CIP2A: variants seen among roughly 807,000 people sequenced by gnomAD.
CIP2A encodes the protein cellular inhibitor of PP2A, also known as protein CIP2A.
In CIP2A, 103 loss-of-function variants were observed where a neutral mutation model predicts 110.9. That is an observed-to-expected ratio of 0.93 (90% confidence interval 0.79 to 1.09). The LOEUF (loss-of-function observed/expected upper bound fraction) is 1.09. Among genes scored for constraint, CIP2A ranks in the 50% least tolerant of loss-of-function variants. The pLI is 0.00. For synonymous variants in CIP2A, 381 were observed against 361.6 expected (o/e 1.05, Z -0.61); for missense variants, 1,088 against 1,038.4 (o/e 1.05, Z -0.66).
intron 8 of CIP2A, 148 bp from the exon 9 acceptor site, chr3:108,569,755 A>G: frequency 4.7e-6 from 3 of 638,714 alleles, no homozygotes; most frequent in Non-Finnish European, 8.2e-6. Flanking sequence ...TTATTTTTCA[A>G]ATGTGTGAAT....
At chr3:108,564,595 A>C (rs1273806674) in intron 12 of CIP2A, among the ~76,000 whole-genome samples, 1 of 151,756 alleles carries the variant, frequency 6.6e-6, no homozygotes, top group Non-Finnish European at 1.5e-5. Flanking sequence ...TTTTCCAAAA[A>C]ACCAGGAGAT....
chr3:108,551,556 A>G (rs1379105829), intron 20 of CIP2A, among the ~76,000 whole-genome samples: 1 of 152,148 alleles, frequency 6.6e-6, no homozygotes, highest in Admixed American at 6.6e-5. Flanking sequence ...AGTTAATGCC[A>G]GCAGCTGAAA....
chr3:108,569,031 A>G (rs1340174953), intron 9 of CIP2A, among the ~76,000 whole-genome samples: 1 of 151,068 alleles, frequency 6.6e-6, no homozygotes, highest in Non-Finnish European at 1.5e-5. Context: ...ATATGCCTCT[A>G]TTGTCCATTC....
At chr3:108,570,410 G>C (rs1938348781) in intron 8 of CIP2A, among the ~76,000 whole-genome samples, 1 of 152,068 alleles carries the variant, frequency 6.6e-6, no homozygotes, top group Non-Finnish European at 1.5e-5. Context: ...GTACAGTCAT[G>C]TGTCACTTAG....
chr3:108,576,574 T>C (rs866111785), intron 7 of CIP2A, among the ~76,000 whole-genome samples: 1 of 152,322 alleles, frequency 6.6e-6, no homozygotes, highest in Non-Finnish European at 1.5e-5. Context: ...GTGATTCATG[T>C]GGCAATAAAT....
At position 108,551,152 on chromosome 3, in the gene CIP2A, T is replaced by C. The variant is rs1423355455; in HGVS notation, c.2715A>G (p.Ile905Met). 2.0e-6 allele frequency: 3 copies of C among 1,514,990 alleles called. No individual in the cohort carries two copies. Among genetic ancestry groups the C allele is most frequent in the African/African-American group, 1.4e-5 (1 of 71,258 alleles). The allele number at this position is 1,514,990 out of a possible 1,614,324, so 93.8% of individuals were successfully genotyped here. ...AAATTCCAAAATGCCATAATGTCTATATACTGAGATTCACAGTTTCTGGAT... is the reference window on the plus strand; with the variant it reads ...AAATTCCAAAATGCCATAATGTCTACATACTGAGATTCACAGTTTCTGGAT... ...KINPETVNLS[I>M] Residue 905 changes from isoleucine (I) to methionine (M), a missense_variant, in exon 21 of 21, where the codon ATA (isoleucine) becomes ATG (methionine). Physicochemically the swap from Ile to Met is conservative, Grantham distance 10. Transcript: ENST00000295746.
intron 9 of CIP2A, among the ~76,000 whole-genome samples, chr3:108,569,167 A>AATATATATATATATAT (rs1559695577): frequency 8.9e-4 from 1 of 1,128 alleles, no homozygotes; most frequent in South Asian, 0.045. Flanking sequence ...TGAAATGAGC[A>AATATATATATATATAT]CTATATATAT....
Position 108,551,082 on chromosome 3 carries a change from C to A in CIP2A, c.*67G>T, listed in dbSNP as rs571008933. On this transcript the variant is annotated 3_prime_UTR_variant, in exon 21 of 21. Transcript: ENST00000295746. ...AGTCACAAATTAACTCCCCTACCCA[C>A]CCCCCCTCCAATAGATAAATACATC... is the stretch of plus-strand genomic sequence containing the variant. 1.5e-4 allele frequency: 73 copies of A among 479,162 alleles called. 3 individuals carry two copies. Among genetic ancestry groups the A allele is most frequent in the African/African-American group, 1.4e-3 (70 of 49,154 alleles). The allele number at this position is 479,162 out of a possible 1,614,324, so 29.7% of individuals were successfully genotyped here.
chr3:108,582,925 A>C (rs1576319471), intron 3 of CIP2A, 52 bp downstream of exon 3: 1 of 1,084,754 alleles, frequency 9.2e-7, no homozygotes, highest in East Asian at 2.5e-5. Flanking sequence ...AGAAACTATC[A>C]ATTTTGATCT....
chr3:108,562,615 A>G (rs909593110), intron 13 of CIP2A, among the ~76,000 whole-genome samples: 3 of 152,124 alleles, frequency 2.0e-5, no homozygotes, highest in African/African-American at 7.2e-5. Context: ...GAAAGTAACG[A>G]GTATAGTAGA....
chr3:108,558,653 A>G (rs920326178), intron 16 of CIP2A, among the ~76,000 whole-genome samples: 1 of 152,144 alleles, frequency 6.6e-6, no homozygotes, highest in African/African-American at 2.4e-5. Flanking sequence ...GGATCGTCAA[A>G]CACGTGTGGG....
intron 12 of CIP2A, among the ~76,000 whole-genome samples, chr3:108,564,039 T>C (rs969924970): frequency 6.6e-6 from 1 of 152,012 alleles, no homozygotes; most frequent in Admixed American, 6.6e-5. Flanking sequence ...CCTTTAAAAA[T>C]ACATTGAGAT....
At chr3:108,557,171 G>T in intron 17 of CIP2A, 47 bp downstream of exon 17, 1 of 1,225,310 alleles carries the variant, frequency 8.2e-7, no homozygotes, top group Non-Finnish European at 1.1e-6. Context: ...AATGCTGCAT[G>T]TTCATTCTAG....
At chr3:108,580,221 GC>G (rs923536544) in intron 5 of CIP2A, among the ~76,000 whole-genome samples, 38 of 152,250 alleles carry the variant, frequency 2.5e-4, no homozygotes, top group African/African-American at 9.1e-4. Flanking sequence ...AATTAACTTT[GC>G]CATATTTGCT....
intron 9 of CIP2A, among the ~76,000 whole-genome samples, chr3:108,568,632 A>G (rs182138066): frequency 6.6e-6 from 1 of 152,166 alleles, no homozygotes; most frequent in Admixed American, 6.6e-5. Context: ...GCTAAAAGTA[A>G]TAACAATAAT....
At chr3:108,572,488 A>G (rs1442376598) in intron 8 of CIP2A, among the ~76,000 whole-genome samples, 1 of 151,956 alleles carries the variant, frequency 6.6e-6, no homozygotes, top group Non-Finnish European at 1.5e-5. Context: ...TCTGAAGACC[A>G]TATGCTGTGG....
At position 108,551,387 on chromosome 3, in the gene CIP2A, C is replaced by T. The variant is rs911852800; in HGVS notation, c.2548-68G>A. 5.4e-5 allele frequency: 62 copies of T among 1,151,068 alleles called. No individual in the cohort carries two copies. In the African/African-American group the frequency reaches 8.8e-4, roughly 16 times the overall value. 71.3% of individuals were successfully genotyped at this position (1,151,068 alleles called of 1,614,324 possible). On this transcript the variant is annotated intron_variant, in intron 20 of 20. Transcript: ENST00000295746. ...AAATAACTTTAATGTTTTCTCTATA[C>T]ATATATTTTAAGATGCTTTTATTTT...
chr3:108,569,253 T>A, intron 9 of CIP2A, 136 bp downstream of exon 9: 1 of 646,238 alleles, frequency 1.5e-6, no homozygotes, highest in Non-Finnish European at 2.7e-6. Context: ...ACCTAGCGAG[T>A]CTAGTATGAC....
chr3:108,572,747 AC>A (rs11295779), intron 8 of CIP2A, among the ~76,000 whole-genome samples: 31,055 of 151,928 alleles, frequency 0.2, 3,761 homozygotes, highest in East Asian at 0.45. Context: ...CTATACTCTC[AC>A]GTCATCTGAA....
Sources: gnomAD v4.1 joint callset for allele counts (sites outside exome capture counted in the v4.1 genomes callset) on GRCh38, gnomAD v4.1.1 for gene constraint, MANE v1.5 for transcripts, NCBI Gene and HGNC (gene_info 2026-07-23, HGNC 2026-07-21) for gene names.